TNFSF4: variants seen among roughly 807,000 people sequenced by gnomAD.
The protein encoded by TNFSF4 is tumor necrosis factor ligand superfamily member 4.
A neutral mutation model predicts 7.3 loss-of-function variants in TNFSF4; 4 were observed. The ratio of observed to expected loss-of-function variants is 0.55; its 90% CI spans 0.27 to 1.25. The LOEUF (loss-of-function observed/expected upper bound fraction) is 1.25. TNFSF4 is among the 50% of genes most tolerant of loss of function. The pLI is 0.12. For synonymous variants in TNFSF4, 76 were observed against 83.7 expected, an observed-to-expected ratio of 0.91 and a Z score of 0.50; for missense variants, 181 against 208.8, an observed-to-expected ratio of 0.87 and a Z score of 0.82.
the TNFSF4 span, among the ~76,000 whole-genome samples, chr1:173,379,608 T>A: frequency 6.6e-6 from 1 of 152,008 alleles, no homozygotes; most frequent in Non-Finnish European, 1.5e-5. Flanking sequence ...CTGAACAAAC[T>A]CTGGAGGCGT....
chr1:173,406,694 G>T, the TNFSF4 span, among the ~76,000 whole-genome samples: 9 of 152,144 alleles, frequency 5.9e-5, no homozygotes, highest in Admixed American at 5.9e-4. Flanking sequence ...CTGGGCCCTG[G>T]GCTCTGTGTC....
At chr1:173,390,506 G>T in the TNFSF4 span, among the ~76,000 whole-genome samples, 1 of 152,076 alleles carries the variant, frequency 6.6e-6, no homozygotes, top group African/African-American at 2.4e-5. Flanking sequence ...TGGGTGTTTT[G>T]CACTGGAAGA....
chr1:173,275,819 G>A, the TNFSF4 span, among the ~76,000 whole-genome samples: 1 of 152,082 alleles, frequency 6.6e-6, no homozygotes, highest in Non-Finnish European at 1.5e-5. Context: ...GTAAGAATGG[G>A]TTATCTGTAA....
chr1:173,286,886 A>G, the TNFSF4 span, among the ~76,000 whole-genome samples: 1 of 152,278 alleles, frequency 6.6e-6, no homozygotes, highest in East Asian at 1.9e-4. Flanking sequence ...CATTTTATAA[A>G]TTGGTATGGA....
the TNFSF4 span, among the ~76,000 whole-genome samples, chr1:173,446,502 G>A: frequency 6.6e-6 from 1 of 152,206 alleles, no homozygotes; most frequent in Non-Finnish European, 1.5e-5. Context: ...GTGTCAACTT[G>A]ATTGAATTGA....
the TNFSF4 span, among the ~76,000 whole-genome samples, chr1:173,443,360 TA>T: frequency 1.3e-5 from 2 of 152,200 alleles, no homozygotes; most frequent in Non-Finnish European, 2.9e-5. Flanking sequence ...AGATAATGGT[TA>T]AATAAATTTT....
chr1:173,186,950 G>T, intron 2 of TNFSF4, 85 bp from the exon 3 acceptor site: 1 of 906,290 alleles, frequency 1.1e-6, no homozygotes, highest in Non-Finnish European at 1.7e-6. Context: ...GGAATCAGAT[G>T]AAGAGAAAGT....
the TNFSF4 span, among the ~76,000 whole-genome samples, chr1:173,358,886 G>C: frequency 6.6e-6 from 1 of 152,194 alleles, no homozygotes; most frequent in African/African-American, 2.4e-5. Flanking sequence ...AAGTCAGATA[G>C]GTCTTACTTT....
At chr1:173,274,126 C>T in the TNFSF4 span, among the ~76,000 whole-genome samples, 1 of 145,412 alleles carries the variant, frequency 6.9e-6, no homozygotes. Context: ...CATGTTCATA[C>T]ACACACACAC....
the TNFSF4 span, among the ~76,000 whole-genome samples, chr1:173,275,184 C>T: frequency 6.6e-6 from 1 of 152,172 alleles, no homozygotes; most frequent in South Asian, 2.1e-4. Flanking sequence ...GTCCCTAAGT[C>T]CCATCAGGGA....
intron 1 of TNFSF4, among the ~76,000 whole-genome samples, chr1:173,193,857 G>A (rs1004180172): frequency 7.9e-5 from 12 of 151,928 alleles, no homozygotes; most frequent in African/African-American, 1.9e-4. Flanking sequence ...ATGTACAAGC[G>A]TCATGTCTGG....
the TNFSF4 span, among the ~76,000 whole-genome samples, chr1:173,391,869 T>C: frequency 5.3e-5 from 8 of 152,130 alleles, no homozygotes; most frequent in African/African-American, 7.2e-5. Context: ...ATTTTTATTA[T>C]AAAAATAAAA....
At chr1:173,286,740 T>G in the TNFSF4 span, among the ~76,000 whole-genome samples, 2 of 152,138 alleles carry the variant, frequency 1.3e-5, no homozygotes, top group Non-Finnish European at 2.9e-5. Context: ...AAGATTAATA[T>G]ATTGGACTTT....
intron 1 of TNFSF4, chr1:173,205,543 A>G: frequency 7.5e-7 from 1 of 1,335,642 alleles, no homozygotes; most frequent in East Asian, 2.8e-5. Flanking sequence ...GAATGGAGCC[A>G]TGTGTCCTGT....
At chr1:173,435,325 G>A in the TNFSF4 span, among the ~76,000 whole-genome samples, 23,105 of 152,154 alleles carry the variant, frequency 0.15, 2,115 homozygotes, top group East Asian at 0.31. Context: ...ATTAGTTTAC[G>A]CTCTGGACTG....
At chr1:173,320,897 G>T in the TNFSF4 span, among the ~76,000 whole-genome samples, 1 of 152,172 alleles carries the variant, frequency 6.6e-6, no homozygotes, top group African/African-American at 2.4e-5. Flanking sequence ...AGATGGTCAT[G>T]CTGCCCAAAG....
chr1:173,351,748 G>A, the TNFSF4 span: 4 of 521,114 alleles, frequency 7.7e-6, no homozygotes, highest in Admixed American at 1.0e-4. Flanking sequence ...GTACGAGTAC[G>A]AGGACACTAT....
chr1:173,431,011 G>C, the TNFSF4 span, among the ~76,000 whole-genome samples: 1 of 152,178 alleles, frequency 6.6e-6, no homozygotes, highest in Non-Finnish European at 1.5e-5. Context: ...ATGTTCACCT[G>C]TTATCTTAAC....
At chr1:173,400,716 G>A in the TNFSF4 span, among the ~76,000 whole-genome samples, 1 of 152,166 alleles carries the variant, frequency 6.6e-6, no homozygotes, top group Non-Finnish European at 1.5e-5. Context: ...TCTCATACAG[G>A]AGATCCCTGG....
Sources: gnomAD v4.1 joint callset for allele counts (sites outside exome capture counted in the v4.1 genomes callset) on GRCh38, gnomAD v4.1.1 for gene constraint, MANE v1.5 for transcripts, NCBI Gene and HGNC (gene_info 2026-07-23, HGNC 2026-07-21) for gene names.